SYT1: variants seen among roughly 807,000 people sequenced by gnomAD.
SYT1 encodes synaptotagmin 1.
SYT1 carries 8 observed loss-of-function variants against 44.8 expected under a neutral mutation model. The observed-to-expected ratio is 0.18, with a 90% CI of 0.10 to 0.32. The LOEUF is 0.32. SYT1 is among the 10% of genes least tolerant of loss of function. The probability of loss-of-function intolerance (pLI) is 1.00; values close to 1 mark genes in which losing one functional copy is unlikely to be tolerated. For missense variants in SYT1, 286 were observed against 509.3 expected, an observed-to-expected ratio of 0.56 and a Z score of 4.22; for synonymous variants, 154 against 188.8, an observed-to-expected ratio of 0.82 and a Z score of 1.51.
At chr12:79,179,077 TATAG>T (rs1262448279) in intron 3 of SYT1, among the ~76,000 whole-genome samples, 1 of 128,676 alleles carries the variant, frequency 7.8e-6, no homozygotes, top group African/African-American at 3.0e-5. Context: ...GATATATAGA[TATAG>T]ATATAGATAT....
intron 1 of SYT1, chr12:78,955,681 A>G (rs1299927958): frequency 6.6e-6 from 1 of 152,104 alleles, no homozygotes; most frequent in Non-Finnish European, 1.5e-5. Context: ...TTCAAACCAC[A>G]GCAATTGGTT....
intron 1 of SYT1, among the ~76,000 whole-genome samples, chr12:78,940,224 T>G (rs900589832): frequency 2.0e-5 from 3 of 152,184 alleles, no homozygotes; most frequent in African/African-American, 7.2e-5. Context: ...TATTATTCTG[T>G]TCTCATGGAA....
chr12:78,871,130 A>G (rs954936569), intron 1 of SYT1, among the ~76,000 whole-genome samples: 1 of 152,038 alleles, frequency 6.6e-6, no homozygotes, highest in Admixed American at 6.6e-5. Flanking sequence ...TCATACTTTC[A>G]AAATCCATCT....
chr12:79,000,918 G>A (rs191655855), intron 2 of SYT1, among the ~76,000 whole-genome samples: 33 of 152,074 alleles, frequency 2.2e-4, no homozygotes, highest in Admixed American at 1.2e-3. Flanking sequence ...CCCAAATATC[G>A]CTACTTAGAA....
At chr12:79,082,778 A>G (rs1012703039) in intron 3 of SYT1, among the ~76,000 whole-genome samples, 1 of 152,110 alleles carries the variant, frequency 6.6e-6, no homozygotes, top group African/African-American at 2.4e-5. Context: ...GGGACCAGTT[A>G]GGGGAGGTCC....
chr12:78,979,278 T>C (rs1018703112), intron 2 of SYT1, among the ~76,000 whole-genome samples: 20 of 152,248 alleles, frequency 1.3e-4, no homozygotes, highest in African/African-American at 4.8e-4. Flanking sequence ...TTAAAATATT[T>C]CCATTTTGTT....
At chr12:79,106,098 C>G (rs1378370797) in intron 3 of SYT1, among the ~76,000 whole-genome samples, 1 of 152,100 alleles carries the variant, frequency 6.6e-6, no homozygotes, top group Admixed American at 6.6e-5. Context: ...TGTAGACCTG[C>G]TGCTCTGAGA....
intron 1 of SYT1, among the ~76,000 whole-genome samples, chr12:78,973,202 T>C (rs1467151115): frequency 6.6e-6 from 1 of 152,214 alleles, no homozygotes; most frequent in East Asian, 1.9e-4. Flanking sequence ...CATTGTGAAA[T>C]GACTAACACT....
chr12:78,995,326 A>G (rs139690424), intron 2 of SYT1, among the ~76,000 whole-genome samples: 1 of 152,302 alleles, frequency 6.6e-6, no homozygotes, highest in East Asian at 1.9e-4. Context: ...TTCATTGGCT[A>G]CCATTTATTA....
intron 2 of SYT1, among the ~76,000 whole-genome samples, chr12:78,979,650 A>G (rs1449356839): frequency 6.6e-6 from 1 of 152,120 alleles, no homozygotes; most frequent in African/African-American, 2.4e-5. Context: ...ACTTGGCTGC[A>G]AAAAGCATTC....
At chr12:79,249,795 T>C (rs901895665) in intron 4 of SYT1, among the ~76,000 whole-genome samples, 35 of 152,184 alleles carry the variant, frequency 2.3e-4, no homozygotes, top group African/African-American at 8.0e-4. Flanking sequence ...AAATTTTTCA[T>C]GTTAACAGCA....
intron 6 of SYT1, among the ~76,000 whole-genome samples, chr12:79,293,196 C>T (rs1430794491): frequency 6.7e-5 from 10 of 149,760 alleles, no homozygotes; most frequent in East Asian, 1.9e-4. Flanking sequence ...TGGTGACAGG[C>T]GCCTGTAGTC....
chr12:79,366,807 A>C (rs1883561121), intron 9 of SYT1, among the ~76,000 whole-genome samples: 1 of 152,184 alleles, frequency 6.6e-6, no homozygotes, highest in Non-Finnish European at 1.5e-5. Context: ...TCTAAGCAAA[A>C]GACAGTTCTT....
At chr12:79,207,876 AG>A (rs1592853261) in intron 3 of SYT1, among the ~76,000 whole-genome samples, 2 of 152,204 alleles carry the variant, frequency 1.3e-5, no homozygotes, top group East Asian at 3.9e-4. Flanking sequence ...TGGAGAATCT[AG>A]CAAACTACAT....
chr12:79,203,266 GT>G (rs1476775774), intron 3 of SYT1, among the ~76,000 whole-genome samples: 3 of 152,092 alleles, frequency 2.0e-5, no homozygotes, highest in Non-Finnish European at 4.4e-5. Flanking sequence ...GCATTGTGAG[GT>G]TATGGTTACT....
chr12:79,381,361 G>T (rs1031367924), intron 9 of SYT1, among the ~76,000 whole-genome samples: 26 of 152,246 alleles, frequency 1.7e-4, no homozygotes, highest in African/African-American at 6.3e-4. Context: ...ATTGTTATCA[G>T]ATCCCCTTGA....
chr12:79,423,645 T>G (rs1869255062), intron 9 of SYT1, among the ~76,000 whole-genome samples: 1 of 152,142 alleles, frequency 6.6e-6, no homozygotes, highest in African/African-American at 2.4e-5. Context: ...TTCTAAGAAA[T>G]TGCTTAGTCT....
intron 8 of SYT1, among the ~76,000 whole-genome samples, chr12:79,332,024 T>G (rs1276796203): frequency 6.6e-6 from 1 of 152,160 alleles, no homozygotes; most frequent in Non-Finnish European, 1.5e-5. Flanking sequence ...ATGCCTAAAG[T>G]TACAATTGCA....
At chr12:78,910,175 C>G (rs988395012) in intron 1 of SYT1, among the ~76,000 whole-genome samples, 4 of 151,940 alleles carry the variant, frequency 2.6e-5, no homozygotes, top group African/African-American at 9.7e-5. Flanking sequence ...TAAGGAAGGG[C>G]AGTTGTCATC....
Sources: gnomAD v4.1 joint callset for allele counts (sites outside exome capture counted in the v4.1 genomes callset) on GRCh38, gnomAD v4.1.1 for gene constraint, MANE v1.5 for transcripts, NCBI Gene and HGNC (gene_info 2026-07-23, HGNC 2026-07-21) for gene names.